The following KCNH5 variants were observed in gnomAD, a reference collection of about 807,000 sequenced individuals.
The protein encoded by KCNH5 is voltage-gated delayed rectifier potassium channel KCNH5.
In KCNH5, 46 loss-of-function variants were observed where a neutral mutation model predicts 96.1. The ratio of observed to expected loss-of-function variants is 0.48; its 90% CI spans 0.38 to 0.61. KCNH5 has a LOEUF of 0.61. Among genes scored for constraint, KCNH5 ranks in the 20% least tolerant of loss-of-function variants. The pLI, the probability that KCNH5 is intolerant of heterozygous loss-of-function variation, is 0.00. For synonymous variants in KCNH5, 439 were observed against 449.8 expected (o/e 0.98, Z 0.30); for missense variants, 907 against 1,225.8 (o/e 0.74, Z 3.88).
intron 5 of KCNH5, 72 bp downstream of exon 5, chr14:62,987,000 A>T: frequency 1.0e-6 from 1 of 958,574 alleles, no homozygotes; most frequent in Non-Finnish European, 1.7e-6. Flanking sequence ...AAATATCTAT[A>T]TTAAATCATT....
At chr14:62,731,813 C>T (rs892790202) in intron 10 of KCNH5, among the ~76,000 whole-genome samples, 1 of 152,106 alleles carries the variant, frequency 6.6e-6, no homozygotes, top group African/African-American at 2.4e-5. Flanking sequence ...CACCAATGGC[C>T]TCCTTCCCTT....
At chr14:62,945,144 C>T (rs572906948) in intron 7 of KCNH5, among the ~76,000 whole-genome samples, 42 of 152,238 alleles carry the variant, frequency 2.8e-4, no homozygotes, top group Non-Finnish European at 4.3e-4. Flanking sequence ...ACTGAATATA[C>T]GTGAAAATTT....
chr14:62,977,147 G>C (rs1890515219), intron 6 of KCNH5, among the ~76,000 whole-genome samples: 1 of 152,124 alleles, frequency 6.6e-6, no homozygotes, highest in South Asian at 2.1e-4. Context: ...GAGATGGGCG[G>C]ATCACTTGAG....
At chr14:63,032,617 T>C (rs1950988) in intron 1 of KCNH5, among the ~76,000 whole-genome samples, 25,094 of 152,188 alleles carry the variant, frequency 0.16, 2,395 homozygotes, top group East Asian at 0.35. Flanking sequence ...TTGGGTTTTA[T>C]TCAAAAGTTT....
At chr14:62,892,231 C>T (rs557852346) in intron 7 of KCNH5, among the ~76,000 whole-genome samples, 1 of 152,054 alleles carries the variant, frequency 6.6e-6, no homozygotes, top group Non-Finnish European at 1.5e-5. Flanking sequence ...ATAAATAATG[C>T]GAAAGAGAAA....
At chr14:62,723,487 T>C (rs1343046590) in intron 10 of KCNH5, among the ~76,000 whole-genome samples, 1 of 152,182 alleles carries the variant, frequency 6.6e-6, no homozygotes, top group African/African-American at 2.4e-5. Flanking sequence ...TGTAATATTG[T>C]GGTATTTGAT....
intron 1 of KCNH5, among the ~76,000 whole-genome samples, chr14:63,030,566 G>A (rs1027373859): frequency 6.6e-6 from 1 of 152,184 alleles, no homozygotes; most frequent in Non-Finnish European, 1.5e-5. Flanking sequence ...TGGAGTGAAA[G>A]TTGAGGGAGA....
At chr14:62,734,986 A>T (rs1320047673) in intron 10 of KCNH5, among the ~76,000 whole-genome samples, 1 of 152,192 alleles carries the variant, frequency 6.6e-6, no homozygotes, top group Non-Finnish European at 1.5e-5. Context: ...GTCTTGCACT[A>T]TGTACTCATT....
rs987618672 is a variant in KCNH5 at position 62,704,981 on chromosome 14, C to G, written c.*2527G>C. The G allele has an allele frequency of 2.0e-5, 3 of 151,926 alleles. No homozygotes were observed. The highest frequency in any genetic ancestry group is 2.9e-5 in the Non-Finnish European group (2 of 67,832). The allele number at this position is 151,926 out of a possible 1,614,324, so 9.4% of individuals were successfully genotyped here. On this transcript the variant is annotated 3_prime_UTR_variant, in exon 11 of 11. Transcript: ENST00000322893. Reference sequence around the variant, plus strand: ...CATTCCTGCTGAAAACAGCAGGGTGCATTCAGCACCTCTTCATATCATGCA... The same window carrying G: ...CATTCCTGCTGAAAACAGCAGGGTGGATTCAGCACCTCTTCATATCATGCA...
chr14:62,816,780 G>A (rs944712473), intron 8 of KCNH5, among the ~76,000 whole-genome samples: 1 of 151,802 alleles, frequency 6.6e-6, no homozygotes. Context: ...GTAGCTGATA[G>A]GATGCTGGCT....
chr14:62,959,621 C>A (rs1239425440), intron 6 of KCNH5, among the ~76,000 whole-genome samples: 1 of 151,950 alleles, frequency 6.6e-6, no homozygotes, highest in Non-Finnish European at 1.5e-5. Flanking sequence ...TTCCTAAATT[C>A]TGAATTCTGA....
At chr14:62,842,083 G>C (rs1354289733) in intron 8 of KCNH5, among the ~76,000 whole-genome samples, 1 of 152,140 alleles carries the variant, frequency 6.6e-6, no homozygotes, top group Non-Finnish European at 1.5e-5. Context: ...AGATAGGTTT[G>C]AATCAAATAA....
intron 7 of KCNH5, among the ~76,000 whole-genome samples, chr14:62,946,995 T>C (rs1889900323): frequency 6.6e-6 from 1 of 152,118 alleles, no homozygotes; most frequent in Non-Finnish European, 1.5e-5. Flanking sequence ...TTGATTGCAG[T>C]TGTAATTAAA....
Position 62,853,460 on chromosome 14 carries a change from T to TATATATATATATATATATATATATC in KCNH5, c.1370-3609_1370-3608insGATATATATATATATATATATATAT, listed in dbSNP as rs1468892675. Among the ~76,000 whole-genome samples, 380 of 89,472 alleles carry TATATATATATATATATATATATATC rather than the reference T, an allele frequency of 4.2e-3. 3 individuals carry two copies. The highest frequency in any genetic ancestry group is 6.1e-3 in the Non-Finnish European group (263 of 42,784). 58.7% of individuals were successfully genotyped at this position (89,472 alleles called of 152,430 possible). A position where few individuals can be genotyped will look rare whatever the true frequency, so the allele number is the denominator to read the frequency against. On this transcript the variant is annotated intron_variant, in intron 7 of 10. Coordinates refer to ENST00000322893, the MANE Select transcript of KCNH5 (RefSeq NM_139318.5). Reference sequence around the variant, plus strand: ...TTCCCAAACAAAAAGAATAATCATATATATATATATATATATATATCATAT... The same window carrying TATATATATATATATATATATATATC: ...TTCCCAAACAAAAAGAATAATCATATATATATATATATATATATATATATCATATATATATATATATATATCATAT...
rs1566632633 is a variant in KCNH5, at chr14:62,705,661, T to A, written c.*1847A>T. On this transcript the variant is annotated 3_prime_UTR_variant, in exon 11 of 11. Transcript: ENST00000322893. ...GAGACTCCTAGATTAAAGAGGCACATCTTGTGGGCATGTGAAGTTCAATAG... is the reference window on the plus strand; with the variant it reads ...GAGACTCCTAGATTAAAGAGGCACAACTTGTGGGCATGTGAAGTTCAATAG... The A allele has an allele frequency of 6.6e-6, 1 of 152,028 alleles. No individual in the cohort carries two copies. Among genetic ancestry groups the A allele is most frequent in the Admixed American group, 6.6e-5 (1 of 15,260 alleles). 9.4% of individuals were successfully genotyped at this position (152,028 alleles called of 1,614,324 possible).
intron 10 of KCNH5, among the ~76,000 whole-genome samples, chr14:62,724,995 G>A (rs907475852): frequency 6.6e-6 from 1 of 152,114 alleles, no homozygotes; most frequent in African/African-American, 2.4e-5. Context: ...TGGAAAGTCT[G>A]GTTAAAGAGA....
intron 7 of KCNH5, among the ~76,000 whole-genome samples, chr14:62,898,567 G>C (rs1039021839): frequency 1.3e-5 from 2 of 151,974 alleles, no homozygotes; most frequent in Non-Finnish European, 2.9e-5. Context: ...AACAAAAATT[G>C]TCAAAGTGAT....
At chr14:62,821,265 G>C (rs983668702) in intron 8 of KCNH5, among the ~76,000 whole-genome samples, 1 of 151,748 alleles carries the variant, frequency 6.6e-6, no homozygotes, top group African/African-American at 2.4e-5. Flanking sequence ...TTAAATATAG[G>C]GTACATTATC....
chr14:62,750,349 C>G (rs1885471174), intron 10 of KCNH5, among the ~76,000 whole-genome samples: 1 of 152,208 alleles, frequency 6.6e-6, no homozygotes, highest in Admixed American at 6.5e-5. Flanking sequence ...CTGATTAGCA[C>G]CTGATATTAA....
Sources: gnomAD v4.1 joint callset for allele counts (sites outside exome capture counted in the v4.1 genomes callset) on GRCh38, gnomAD v4.1.1 for gene constraint, MANE v1.5 for transcripts, NCBI Gene and HGNC (gene_info 2026-07-23, HGNC 2026-07-21) for gene names.